LARP1B: variants seen among roughly 807,000 people sequenced by gnomAD.
LARP1B encodes La ribonucleoprotein 1B, also known as la-related protein 1B.
A neutral mutation model predicts 114.2 loss-of-function variants in LARP1B; 76 were observed. That is an observed-to-expected ratio of 0.67 (90% CI 0.55 to 0.81). The LOEUF is 0.81. Ranked by LOEUF, LARP1B falls within the 30% of genes least tolerant of loss-of-function variation. LARP1B has a pLI of 0.00. For synonymous variants in LARP1B, 345 were observed against 348.0 expected, an observed-to-expected ratio of 0.99 and a Z score of 0.10; for missense variants, 1,014 against 1,075.8, an observed-to-expected ratio of 0.94 and a Z score of 0.80.
chr4:128,189,950 A>T (rs2150776827), intron 15 of LARP1B, among the ~76,000 whole-genome samples: 1 of 152,274 alleles, frequency 6.6e-6, no homozygotes, highest in Admixed American at 6.5e-5. Context: ...CATATTAGAG[A>T]TATGAATGGA....
chr4:128,095,584 C>T (rs1488551263), intron 7 of LARP1B, among the ~76,000 whole-genome samples: 1 of 151,552 alleles, frequency 6.6e-6, no homozygotes, highest in Non-Finnish European at 1.5e-5. Context: ...GCTTTGCACT[C>T]TGACAATTGG....
intron 1 of LARP1B, among the ~76,000 whole-genome samples, chr4:128,067,970 T>G (rs1763671507): frequency 6.6e-6 from 1 of 152,086 alleles, no homozygotes; most frequent in South Asian, 2.1e-4. Context: ...AAGCTCCGCC[T>G]CCCGGGTTCA....
intron 19 of LARP1B, among the ~76,000 whole-genome samples, chr4:128,209,247 C>G (rs1007872182): frequency 2.0e-5 from 3 of 152,192 alleles, no homozygotes; most frequent in African/African-American, 7.2e-5. Flanking sequence ...GGTGAAACCC[C>G]GTCTCTACTA....
intron 17 of LARP1B, among the ~76,000 whole-genome samples, chr4:128,204,679 AAAAT>A (rs1017490100): frequency 1.3e-5 from 2 of 151,736 alleles, no homozygotes; most frequent in African/African-American, 2.4e-5. Flanking sequence ...TTAAAATTAA[AAAAT>A]AAATAAATAA....
chr4:128,081,403 T>G (rs1454786454), intron 4 of LARP1B, among the ~76,000 whole-genome samples: 1 of 126,754 alleles, frequency 7.9e-6, no homozygotes, highest in Non-Finnish European at 1.7e-5. Flanking sequence ...TTTTTTGAGA[T>G]ATAGATATTG....
chr4:128,216,671 A>G (rs1225305812), downstream of LARP1B, among the ~76,000 whole-genome samples: 2 of 149,584 alleles, frequency 1.3e-5, no homozygotes, highest in African/African-American at 4.9e-5. Flanking sequence ...TTATAGCACT[A>G]AATGCCTACA....
chr4:128,091,613 T>A (rs1263499531), intron 7 of LARP1B, 101 bp downstream of exon 7: 4 of 941,504 alleles, frequency 4.2e-6, no homozygotes, highest in Admixed American at 5.4e-5. Context: ...TTTTTTTTTT[T>A]TGAGACAGAG....
At chr4:128,148,939 T>C (rs184516047) in intron 11 of LARP1B, among the ~76,000 whole-genome samples, 6 of 152,344 alleles carry the variant, frequency 3.9e-5, no homozygotes, top group African/African-American at 7.2e-5. Context: ...AGGCTAATAC[T>C]TAAAATAATT....
intron 11 of LARP1B, among the ~76,000 whole-genome samples, chr4:128,147,104 G>T (rs1464173492): frequency 6.6e-6 from 1 of 152,124 alleles, no homozygotes; most frequent in Non-Finnish European, 1.5e-5. Context: ...ATAGTGATAG[G>T]CAATTTGTGA....
chr4:128,143,796 G>GGGGTGTGTGTGTGT (rs149590509), intron 11 of LARP1B, among the ~76,000 whole-genome samples: 6 of 147,844 alleles, frequency 4.1e-5, no homozygotes, highest in East Asian at 2.0e-4. Flanking sequence ...TAAGGCACAG[G>GGGGTGTGTGTGTGT]GTGTGTGTGT....
intron 1 of LARP1B, among the ~76,000 whole-genome samples, chr4:128,073,013 T>G (rs1561052482): frequency 6.6e-6 from 1 of 152,226 alleles, no homozygotes; most frequent in African/African-American, 2.4e-5. Flanking sequence ...CTGAACATCC[T>G]ATATGGACAT....
At chr4:128,181,180 C>CTTTTTTTTTTTTTTTTTTTTTTTTTTTT (rs70966086) in intron 15 of LARP1B, among the ~76,000 whole-genome samples, 1 of 130,002 alleles carries the variant, frequency 7.7e-6, no homozygotes, top group Non-Finnish European at 1.7e-5. Flanking sequence ...CTCATCCATT[C>CTTTTTTTTTTTTTTTTTTTTTTTTTTTT]TTTTTTTTTT....
At chr4:128,122,438 G>GTTTTTTTTTTTTTTTTTTTTTTTTTTTTT in intron 11 of LARP1B, 1 of 1,188,998 alleles carries the variant, frequency 8.4e-7, no homozygotes, top group Non-Finnish European at 1.1e-6. Flanking sequence ...TTATACCCTT[G>GTTTTTTTTTTTTTTTTTTTTTTTTTTTTT]TTTTTTTTTT....
intron 9 of LARP1B, among the ~76,000 whole-genome samples, chr4:128,110,447 G>T (rs1363516158): frequency 6.6e-6 from 1 of 150,742 alleles, no homozygotes; most frequent in East Asian, 2.0e-4. Flanking sequence ...GCCGAGGCGG[G>T]CGGATCACGA....
rs1250275080 is a variant in LARP1B, at chr4:128,106,114, C to A, written c.814-1025C>A. Among the ~76,000 whole-genome samples, 5 of 151,618 alleles carry A rather than the reference C, an allele frequency of 3.3e-5. No individual in the cohort carries two copies. The East Asian group carries it at 9.9e-4, about 30-fold the overall frequency. ...TCTCGGCTCACTGCAACCTCCAGCT[C>A]CCTGGTTCAAGTGATTCTCCTGCCT... On this transcript the variant is annotated intron_variant, in intron 8 of 19. Transcript: ENST00000326639.
At chr4:128,112,218 A>C (rs1028291514) in intron 9 of LARP1B, among the ~76,000 whole-genome samples, 1 of 152,034 alleles carries the variant, frequency 6.6e-6, no homozygotes, top group Non-Finnish European at 1.5e-5. Context: ...AACTCTAAAA[A>C]TTTTAGTATT....
At chr4:128,138,796 A>G (rs866178652) in intron 11 of LARP1B, among the ~76,000 whole-genome samples, 64 of 152,254 alleles carry the variant, frequency 4.2e-4, no homozygotes, top group African/African-American at 1.5e-3. Context: ...TATCTCTACT[A>G]AAAATACAAA....
chr4:128,184,969 C>A (rs1286132851), intron 15 of LARP1B, among the ~76,000 whole-genome samples: 4 of 151,936 alleles, frequency 2.6e-5, no homozygotes. Flanking sequence ...TATGTATGTG[C>A]CTATGTATGT....
intron 3 of LARP1B, 121 bp from the exon 4 acceptor site, chr4:128,077,667 C>T (rs1032150034): frequency 1.9e-6 from 2 of 1,056,408 alleles, no homozygotes; most frequent in African/African-American, 1.6e-5. Context: ...AATTTTTTGC[C>T]TTTGATAACA....
Sources: gnomAD v4.1 joint callset for allele counts (sites outside exome capture counted in the v4.1 genomes callset) on GRCh38, gnomAD v4.1.1 for gene constraint, MANE v1.5 for transcripts, NCBI Gene and HGNC (gene_info 2026-07-23, HGNC 2026-07-21) for gene names.